Variants in SSBP2 observed in about 807,000 individuals in gnomAD.
The protein encoded by SSBP2 is single-stranded DNA-binding protein 2.
A neutral mutation model predicts 61.8 loss-of-function variants in SSBP2; 17 were observed. That is an observed-to-expected ratio of 0.28 (90% CI 0.19 to 0.41). The LOEUF (loss-of-function observed/expected upper bound fraction) is 0.41. Ranked by LOEUF, SSBP2 falls within the 10% of genes least tolerant of loss-of-function variation. The pLI, the probability that SSBP2 is intolerant of heterozygous loss-of-function variation, is 1.00. For missense variants in SSBP2, 310 were observed against 458.7 expected (o/e 0.68, Z 2.96); for synonymous variants, 139 against 141.3 (o/e 0.98, Z 0.12).
intron 4 of SSBP2, among the ~76,000 whole-genome samples, chr5:81,515,120 T>C (rs1768915427): frequency 6.6e-6 from 1 of 152,028 alleles, no homozygotes; most frequent in Non-Finnish European, 1.5e-5. Flanking sequence ...CAAATTGCTT[T>C]TTTTCATTTT....
intron 3 of SSBP2, among the ~76,000 whole-genome samples, chr5:81,627,896 C>T (rs1336829952): frequency 6.6e-6 from 1 of 151,822 alleles, no homozygotes; most frequent in Non-Finnish European, 1.5e-5. Context: ...AACCTCATCG[C>T]TACAAAAAAA....
At chr5:81,474,836 T>A (rs185779705) in intron 6 of SSBP2, among the ~76,000 whole-genome samples, 195 of 152,290 alleles carry the variant, frequency 1.3e-3, no homozygotes, top group African/African-American at 4.4e-3. Context: ...ACTGTCCTAT[T>A]TCTTCCTGAG....
At chr5:81,699,445 A>C (rs1753813319) in intron 1 of SSBP2, among the ~76,000 whole-genome samples, 1 of 152,208 alleles carries the variant, frequency 6.6e-6, no homozygotes, top group African/African-American at 2.4e-5. Flanking sequence ...TTGTCATTTC[A>C]ACAATGTTCA....
At chr5:81,626,068 C>A (rs1405162036) in intron 3 of SSBP2, among the ~76,000 whole-genome samples, 1 of 152,212 alleles carries the variant, frequency 6.6e-6, no homozygotes, top group Non-Finnish European at 1.5e-5. Flanking sequence ...CTATCCTATC[C>A]ATTCATAAGA....
intron 2 of SSBP2, among the ~76,000 whole-genome samples, chr5:81,642,447 G>T (rs192313971): frequency 6.6e-6 from 1 of 152,214 alleles, no homozygotes; most frequent in East Asian, 1.9e-4. Context: ...GCACTTCATG[G>T]CCTTGTCTAT....
intron 4 of SSBP2, among the ~76,000 whole-genome samples, chr5:81,574,679 C>T (rs975656841): frequency 5.3e-5 from 8 of 152,002 alleles, no homozygotes; most frequent in African/African-American, 1.9e-4. Flanking sequence ...AAAAACCCCA[C>T]AATCTTAAAA....
chr5:81,719,761 C>A (rs1297803024), intron 1 of SSBP2, among the ~76,000 whole-genome samples: 2 of 152,100 alleles, frequency 1.3e-5, no homozygotes, highest in African/African-American at 4.8e-5. Context: ...ATGGCACAAG[C>A]CTTTATTATG....
chr5:81,493,195 T>C (rs914683234), intron 5 of SSBP2, among the ~76,000 whole-genome samples: 1 of 151,702 alleles, frequency 6.6e-6, no homozygotes, highest in African/African-American at 2.4e-5. Flanking sequence ...AAAACATATA[T>C]ATATATTCAA....
intron 1 of SSBP2, among the ~76,000 whole-genome samples, chr5:81,732,802 A>T (rs1002849058): frequency 6.6e-6 from 1 of 152,128 alleles, no homozygotes; most frequent in African/African-American, 2.4e-5. Context: ...TTTCTAGTAA[A>T]CATACTTTTT....
At chr5:81,493,381 C>G (rs536066756) in intron 5 of SSBP2, among the ~76,000 whole-genome samples, 1 of 152,006 alleles carries the variant, frequency 6.6e-6, no homozygotes, top group South Asian at 2.1e-4. Flanking sequence ...ACCTCCCAGG[C>G]TCAAGTAATC....
At chr5:81,744,801 G>A (rs1436963012) in intron 1 of SSBP2, among the ~76,000 whole-genome samples, 1 of 152,076 alleles carries the variant, frequency 6.6e-6, no homozygotes, top group Non-Finnish European at 1.5e-5. Flanking sequence ...ATTATTGTCT[G>A]AAAGCTGTTT....
At chr5:81,695,497 C>A (rs1178478883) in intron 1 of SSBP2, among the ~76,000 whole-genome samples, 2 of 119,972 alleles carry the variant, frequency 1.7e-5, no homozygotes, top group Non-Finnish European at 3.4e-5. Context: ...TATCCCTCCC[C>A]CCTCCCCCCA....
chr5:81,688,401 A>T (rs1305061798), intron 1 of SSBP2, among the ~76,000 whole-genome samples: 1 of 152,194 alleles, frequency 6.6e-6, no homozygotes, highest in Non-Finnish European at 1.5e-5. Flanking sequence ...TCTGCTGATT[A>T]TAGAGCCCTA....
intron 1 of SSBP2, among the ~76,000 whole-genome samples, chr5:81,713,227 G>A (rs186028531): frequency 2.1e-4 from 32 of 152,126 alleles, no homozygotes; most frequent in African/African-American, 5.3e-4. Context: ...CTCTGGAAGT[G>A]AGAGAAAAAG....
chr5:81,690,586 C>A (rs890817165), intron 1 of SSBP2, among the ~76,000 whole-genome samples: 3 of 152,040 alleles, frequency 2.0e-5, no homozygotes, highest in Non-Finnish European at 4.4e-5. Context: ...TATAAAGCAA[C>A]TATTATTAGA....
At chr5:81,716,888 G>A (rs1755204281) in intron 1 of SSBP2, among the ~76,000 whole-genome samples, 2 of 152,198 alleles carry the variant, frequency 1.3e-5, no homozygotes, top group Admixed American at 6.5e-5. Context: ...TGTGTGTATC[G>A]CTCTGAAAAG....
rs201755901 is a variant in SSBP2 at position 81,466,998 on chromosome 5, C to A, written c.614G>T (p.Gly205Val). 5 of 1,608,760 alleles carry A rather than the reference C, an allele frequency of 3.1e-6. No individual in the cohort carries two copies. In the East Asian group the frequency reaches 8.9e-5, roughly 29 times the overall value. Residue 205 changes from glycine to valine, a missense_variant, in exon 9 of 17, where the codon GGC becomes GTC. Transcript: ENST00000320672. Reference sequence around the variant, plus strand: ...CATGTTCATTCCAGGCATTCCAGGGCCACCTAAAGCATTCAGTGGGGGTCT... The same window carrying A: ...CATGTTCATTCCAGGCATTCCAGGGACACCTAAAGCATTCAGTGGGGGTCT...
intron 1 of SSBP2, among the ~76,000 whole-genome samples, chr5:81,712,733 T>TG (rs1202059668): frequency 2.7e-5 from 4 of 149,290 alleles, no homozygotes; most frequent in East Asian, 2.0e-4. Context: ...TCTTTGTTTT[T>TG]TTTTTTTTGT....
At position 81,473,762 on chromosome 5, in the gene SSBP2, T is replaced by C. The variant is rs375648257; in HGVS notation, c.508A>G (p.Asn170Asp). The change falls in exon 8 of 17, where the codon AAT becomes GAT. Residue 170 changes from asparagine (N) to aspartate (D), a missense_variant. Transcript: ENST00000320672. ...ATTCTCTGCATTGGCCCACCCATAT[T>C]TGGATGTCCTAAAAAAAGTATGAAG... 8 of 1,613,770 alleles carry C rather than the reference T, an allele frequency of 5.0e-6. No individual in the cohort carries two copies. The highest frequency in any genetic ancestry group is 5.9e-6 in the Non-Finnish European group (7 of 1,179,878).
Sources: allele counts gnomAD v4.1 joint callset (sites outside exome capture counted in the v4.1 genomes callset), GRCh38; gene constraint gnomAD v4.1.1; transcripts MANE v1.5; gene names NCBI Gene and HGNC (gene_info 2026-07-23, HGNC 2026-07-21).